Variants in SLC9C1 observed in about 807,000 individuals in gnomAD.
The protein encoded by SLC9C1 is solute carrier family 9 member C1.
In SLC9C1, 97 loss-of-function variants were observed where a neutral mutation model predicts 140.9. The ratio of observed to expected loss-of-function variants is 0.69; its 90% CI spans 0.58 to 0.82. The LOEUF is 0.82. SLC9C1 is among the 40% of genes least tolerant of loss of function. The pLI, the probability that SLC9C1 is intolerant of heterozygous loss-of-function variation, is 0.00. For synonymous variants in SLC9C1, 440 were observed against 442.6 expected (o/e 0.99, Z 0.07); for missense variants, 1,340 against 1,389.3 (o/e 0.96, Z 0.56).
At chr3:112,251,388 C>T (rs552463894) in intron 10 of SLC9C1, among the ~76,000 whole-genome samples, 64 of 151,754 alleles carry the variant, frequency 4.2e-4, no homozygotes, top group African/African-American at 1.3e-3. Context: ...CCTCATGAAC[C>T]GACTCCATCA....
intron 10 of SLC9C1, among the ~76,000 whole-genome samples, chr3:112,248,265 G>A (rs2079349066): frequency 6.8e-6 from 1 of 146,434 alleles, no homozygotes. Flanking sequence ...AGCCCCAGTT[G>A]AGCCTTTTGA....
At chr3:112,188,847 C>G (rs570831947) in intron 20 of SLC9C1, among the ~76,000 whole-genome samples, 14 of 152,336 alleles carry the variant, frequency 9.2e-5, no homozygotes, top group Admixed American at 3.3e-4. Flanking sequence ...TACACTCCCA[C>G]CAACAGTGTA....
rs1365642138 is a variant in SLC9C1, at chr3:112,250,522, CCCA to C, written c.1198-6449_1198-6447del. ...CACAATGGTTGAACTAGTTTACAGT[CCCA>C]CCAACAGTGTAAAAGTGTTCCTATT... On this transcript the variant is annotated intron_variant, in intron 10 of 28. Coordinates refer to ENST00000305815, the MANE Select transcript of SLC9C1 (RefSeq NM_183061.3). Among the ~76,000 whole-genome samples the C allele has an allele frequency of 2.0e-5, 3 of 149,852 alleles. No homozygotes were observed. The South Asian group carries it at 6.5e-4, about 33-fold the overall frequency.
chr3:112,208,245 T>G lies in SLC9C1; in HGVS notation c.1919A>C (p.Tyr640Ser), dbSNP rs557116736. 28 of 1,612,270 alleles carry G rather than the reference T, an allele frequency of 1.7e-5. No individual in the cohort carries two copies. In the African/African-American group the frequency reaches 3.5e-4, roughly 20 times the overall value. The change falls in exon 16 of 29, where the codon TAC (tyrosine) becomes TCC (serine). Residue 640 changes from tyrosine to serine, a missense_variant. Tyr to Ser is a moderately radical substitution (Grantham distance 144). Transcript: ENST00000305815. ...ISWISQLNVIYHSELKHTNYC... is the reference protein window; with the variant it reads ...ISWISQLNVISHSELKHTNYC... ...GTTAGTGTGTTTTAATTCGCTGTGG[T>G]AGATTACATTTAACTGGGATATCCA...
At chr3:112,267,970 A>G (rs988891087) in intron 7 of SLC9C1, among the ~76,000 whole-genome samples, 2 of 152,180 alleles carry the variant, frequency 1.3e-5, no homozygotes, top group Non-Finnish European at 2.9e-5. Context: ...GTCTTTTTAC[A>G]TTAAATTTAT....
chr3:112,213,104 C>G (rs1361354965), intron 15 of SLC9C1, among the ~76,000 whole-genome samples: 55 of 152,156 alleles, frequency 3.6e-4, no homozygotes, highest in Non-Finnish European at 1.5e-5. Context: ...TCCAGCCAAA[C>G]TAAGCTTCAT....
At chr3:112,249,189 T>C (rs1203928577) in intron 10 of SLC9C1, among the ~76,000 whole-genome samples, 1 of 152,102 alleles carries the variant, frequency 6.6e-6, no homozygotes, top group East Asian at 1.9e-4. Flanking sequence ...AAGCCTTTTC[T>C]GCATCTATTG....
chr3:112,158,352 C>T (rs2075185603), intron 26 of SLC9C1, among the ~76,000 whole-genome samples: 2 of 152,002 alleles, frequency 1.3e-5, no homozygotes, highest in Non-Finnish European at 2.9e-5. Context: ...ACCATCTTTG[C>T]ATCCTTGAGA....
intron 19 of SLC9C1, among the ~76,000 whole-genome samples, chr3:112,200,509 C>T (rs1320326024): frequency 6.6e-6 from 1 of 152,050 alleles, no homozygotes; most frequent in Non-Finnish European, 1.5e-5. Context: ...TTGCATGAAG[C>T]AGAGAGAGAA....
intron 10 of SLC9C1, among the ~76,000 whole-genome samples, chr3:112,250,058 C>T (rs2079407101): frequency 7.1e-6 from 1 of 141,722 alleles, no homozygotes; most frequent in South Asian, 2.3e-4. Flanking sequence ...TGCTATCCCT[C>T]CCCCTCCCCC....
chr3:112,147,830 G>T (rs2074850304), intron 28 of SLC9C1, among the ~76,000 whole-genome samples: 1 of 152,080 alleles, frequency 6.6e-6, no homozygotes, highest in African/African-American at 2.4e-5. Flanking sequence ...GATTAAAGAA[G>T]TTTTCTTGAA....
chr3:112,228,767 AC>A (rs1331701143), intron 13 of SLC9C1, among the ~76,000 whole-genome samples: 1 of 152,144 alleles, frequency 6.6e-6, no homozygotes, highest in Admixed American at 6.6e-5. Context: ...CAAACGGTCA[AC>A]AAGCACATAA....
intron 26 of SLC9C1, among the ~76,000 whole-genome samples, chr3:112,166,627 AT>A (rs1005410688): frequency 6.6e-6 from 1 of 152,150 alleles, no homozygotes; most frequent in African/African-American, 2.4e-5. Flanking sequence ...ATATTTCTAT[AT>A]TTTGAACATT....
At chr3:112,200,224 C>G (rs1294341338) in intron 19 of SLC9C1, among the ~76,000 whole-genome samples, 1 of 152,094 alleles carries the variant, frequency 6.6e-6, no homozygotes, top group African/African-American at 2.4e-5. Flanking sequence ...TGGCATGACT[C>G]AGAGAATAGG....
At chr3:112,151,781 A>C (rs1321268338) in intron 28 of SLC9C1, 76 bp downstream of exon 28, 11 of 1,081,932 alleles carry the variant, frequency 1.0e-5, no homozygotes, top group Non-Finnish European at 1.5e-5. Flanking sequence ...ATAAAGGGCA[A>C]GTAACTTTGG....
intron 1 of SLC9C1, among the ~76,000 whole-genome samples, chr3:112,293,534 G>T (rs1394534657): frequency 2.0e-5 from 3 of 152,096 alleles, no homozygotes; most frequent in Admixed American, 2.0e-4. Flanking sequence ...GGGCACTGTG[G>T]GATCTCAGTA....
intron 13 of SLC9C1, among the ~76,000 whole-genome samples, chr3:112,224,900 CACAA>C (rs1560091475): frequency 1.3e-5 from 2 of 152,072 alleles, no homozygotes; most frequent in South Asian, 4.2e-4. Flanking sequence ...GACATCATTA[CACAA>C]ACAAATGTTA....
chr3:112,289,579 C>G (rs1222433328), intron 1 of SLC9C1, among the ~76,000 whole-genome samples: 1 of 152,124 alleles, frequency 6.6e-6, no homozygotes, highest in Non-Finnish European at 1.5e-5. Flanking sequence ...GTGACTTTGT[C>G]TGATGTTGAT....
intron 12 of SLC9C1, among the ~76,000 whole-genome samples, chr3:112,232,355 A>G (rs1471688665): frequency 6.6e-6 from 1 of 152,160 alleles, no homozygotes; most frequent in African/African-American, 2.4e-5. Flanking sequence ...AAACTCAATC[A>G]ATATTTTGAG....
Sources: allele counts gnomAD v4.1 joint callset (sites outside exome capture counted in the v4.1 genomes callset), GRCh38; gene constraint gnomAD v4.1.1; transcripts MANE v1.5; gene names NCBI Gene and HGNC (gene_info 2026-07-23, HGNC 2026-07-21).